Variants in TNRC18 observed in about 807,000 individuals in gnomAD.
The protein encoded by TNRC18 is trinucleotide repeat containing 18.
A neutral mutation model predicts 226.7 loss-of-function variants in TNRC18; 69 were observed. That is an observed-to-expected ratio of 0.30 (90% CI 0.25 to 0.37). TNRC18 has a LOEUF of 0.37. TNRC18 is among the 10% of genes least tolerant of loss of function. The pLI, the probability that TNRC18 is intolerant of heterozygous loss-of-function variation, is 1.00. For missense variants in TNRC18, 4,754 were observed against 4,256.6 expected (o/e 1.12, Z -3.25); for synonymous variants, 2,449 against 1,927.6 (o/e 1.27, Z -7.09).
chr7:5,364,639 A>C (rs1438069106), intron 11 of TNRC18, among the ~76,000 whole-genome samples: 1 of 151,710 alleles, frequency 6.6e-6, no homozygotes, highest in Non-Finnish European at 1.5e-5. Context: ...CCCCCTCTCT[A>C]CTAAAAATAC....
At chr7:5,395,888 A>G (rs1198377246) in intron 2 of TNRC18, among the ~76,000 whole-genome samples, 1 of 150,682 alleles carries the variant, frequency 6.6e-6, no homozygotes, top group Non-Finnish European at 1.5e-5. Context: ...TCCCAGCTAC[A>G]CGGGAGGCTG....
chr7:5,319,698 G>A (rs1202593692), intron 24 of TNRC18, among the ~76,000 whole-genome samples: 5 of 152,170 alleles, frequency 3.3e-5, no homozygotes, highest in South Asian at 2.1e-4. Context: ...TAGTAGAGAC[G>A]GGGTTTTACC....
chr7:5,393,861 G>C (rs1358216258), intron 3 of TNRC18, among the ~76,000 whole-genome samples: 1 of 152,132 alleles, frequency 6.6e-6, no homozygotes, highest in African/African-American at 2.4e-5. Flanking sequence ...AACAGCCCCA[G>C]GTCCCCCCGC....
intron 5 of TNRC18, among the ~76,000 whole-genome samples, chr7:5,384,018 G>A (rs937827789): frequency 1.4e-5 from 2 of 141,796 alleles, no homozygotes; most frequent in Non-Finnish European, 3.0e-5. Context: ...AGGCTGGAGT[G>A]CAATGGCACG....
intron 5 of TNRC18, among the ~76,000 whole-genome samples, chr7:5,379,898 G>A (rs911526519): frequency 6.6e-6 from 1 of 152,168 alleles, no homozygotes; most frequent in African/African-American, 2.4e-5. Flanking sequence ...CCTACGCAGC[G>A]CTACTGTGGG....
chr7:5,330,636 T>C (rs1340779542), intron 19 of TNRC18, among the ~76,000 whole-genome samples: 4 of 152,096 alleles, frequency 2.6e-5, no homozygotes, highest in Non-Finnish European at 5.9e-5. Context: ...GTGAAGGGGT[T>C]AGAACATGTC....
chr7:5,401,693 G>A (rs1401941959), intron 2 of TNRC18, among the ~76,000 whole-genome samples: 1 of 152,178 alleles, frequency 6.6e-6, no homozygotes, highest in Non-Finnish European at 1.5e-5. Flanking sequence ...ACAAGACGTG[G>A]GCCACATTTG....
chr7:5,350,888 GAC>G (rs757627078), intron 17 of TNRC18, among the ~76,000 whole-genome samples: 5 of 152,322 alleles, frequency 3.3e-5, no homozygotes, highest in Admixed American at 1.3e-4. Context: ...CGTATTGAAT[GAC>G]AGAGACCAGG....
At chr7:5,365,228 C>T (rs1793496811) in intron 11 of TNRC18, among the ~76,000 whole-genome samples, 1 of 152,200 alleles carries the variant, frequency 6.6e-6, no homozygotes, top group African/African-American at 2.4e-5. Context: ...CACCCTGCCT[C>T]AGCCTCCTGA....
chr7:5,389,471 T>TTTTTTTTTTTTTTTTTTTTC lies in TNRC18; in HGVS notation c.488-136_488-135insGAAAAAAAAAAAAAAAAAAA, dbSNP rs549108764. 4.0e-5 allele frequency: 37 copies of TTTTTTTTTTTTTTTTTTTTC among 927,070 alleles called. 1 individual carries two copies. The highest frequency in any genetic ancestry group is 3.5e-4 in the African/African-American group (18 of 51,830). The allele number at this position is 927,070 out of a possible 1,614,324, so 57.4% of individuals were successfully genotyped here. ...AGTGTTTTGGTTTTGGTTTTTTTTT[T>TTTTTTTTTTTTTTTTTTTTC]CAGAAAGAGTCTCGCTCTCCTCACC... On this transcript the variant is annotated intron_variant, in intron 4 of 29. Transcript: ENST00000430969.
chr7:5,338,871 G>T (rs1790386482), intron 18 of TNRC18, among the ~76,000 whole-genome samples: 1 of 139,100 alleles, frequency 7.2e-6, no homozygotes. Flanking sequence ...GGTGAGCCGA[G>T]ATCATGCCGT....
rs1460852801 is a variant in TNRC18 at position 5,315,069 on chromosome 7, G to A, written c.6942C>T (p.Gly2314=). 8.7e-6 allele frequency: 14 copies of A among 1,612,102 alleles called. No homozygotes were observed. Among genetic ancestry groups the A allele is most frequent in the Non-Finnish European group, 1.2e-5 (14 of 1,179,392 alleles). The change falls in exon 26 of 30, where the codon GGC becomes GGT. Residue 2314 remains glycine, a synonymous_variant. Coordinates refer to ENST00000430969, the MANE Select transcript of TNRC18 (RefSeq NM_001080495.3). ...SRKTSKDTGE[G]KDGGTAGSEE... is the part of the protein sequence containing the mutation. The stretch of plus-strand genomic sequence containing the variant: ...CCGACCCAGCCGTGCCACCATCTTT[G>A]CCCTCCCCAGTGTCTTTGCTGGTCT...
intron 11 of TNRC18, among the ~76,000 whole-genome samples, chr7:5,369,298 G>A (rs1793933076): frequency 6.6e-6 from 1 of 152,120 alleles, no homozygotes; most frequent in South Asian, 2.1e-4. Context: ...GCAGTGAGCC[G>A]AGATGACACC....
At chr7:5,401,647 G>T (rs1020109347) in intron 2 of TNRC18, among the ~76,000 whole-genome samples, 2 of 152,226 alleles carry the variant, frequency 1.3e-5, no homozygotes, top group Non-Finnish European at 2.9e-5. Flanking sequence ...AAACGATTGG[G>T]CGTTGCTCTG....
intron 18 of TNRC18, among the ~76,000 whole-genome samples, chr7:5,337,406 C>G (rs1334552250): frequency 6.6e-6 from 1 of 151,922 alleles, no homozygotes; most frequent in East Asian, 1.9e-4. Context: ...ATCACTTGAA[C>G]CCAGAAGGCG....
chr7:5,395,744 C>CA (rs1780633774), intron 2 of TNRC18, among the ~76,000 whole-genome samples: 1 of 152,244 alleles, frequency 6.6e-6, no homozygotes, highest in Admixed American at 6.5e-5. Flanking sequence ...ATAATCCCAG[C>CA]ACTCTGGGAG....
intron 11 of TNRC18, among the ~76,000 whole-genome samples, chr7:5,367,670 T>C (rs1370423965): frequency 6.6e-6 from 1 of 151,504 alleles, no homozygotes; most frequent in African/African-American, 2.4e-5. Flanking sequence ...TCAGATGATC[T>C]GCCCGCCTCG....
rs373893696 is a variant in TNRC18 at position 5,309,857 on chromosome 7, C to A, written c.8389-489G>T. ...CCTCAAACCACCCTCCCACCTTTGC[C>A]TCCCAAAGCACTAGGATCGCAGTGT... On this transcript the variant is annotated intron_variant, in intron 27 of 29. Coordinates refer to ENST00000430969, the MANE Select transcript of TNRC18 (RefSeq NM_001080495.3). This position sits in a 1 kb window ranked among gnomAD's most constrained non-coding sequence, Gnocchi z 5.7. Among the ~76,000 whole-genome samples, 26 of 152,300 alleles carry A rather than the reference C, an allele frequency of 1.7e-4. No homozygotes were observed. The East Asian group carries it at 5.0e-3, about 29-fold the overall frequency.
rs1027934503 is a variant in TNRC18 at position 5,376,827 on chromosome 7, C to A, written c.2608+20G>T. Reference sequence around the variant, plus strand: ...CATGGCCAGTCTGGCCCATGGTGGCCACATAGAAGGTCCACTTACCAAAGT... The same window carrying A: ...CATGGCCAGTCTGGCCCATGGTGGCAACATAGAAGGTCCACTTACCAAAGT... On this transcript the variant is annotated intron_variant, in intron 8 of 29. Transcript: ENST00000430969. 1.0e-5 allele frequency: 16 copies of A among 1,606,312 alleles called. No individual in the cohort carries two copies. The highest frequency in any genetic ancestry group is 3.3e-4 in the Middle Eastern group (2 of 6,074).
Sources: allele counts gnomAD v4.1 joint callset (sites outside exome capture counted in the v4.1 genomes callset), GRCh38; gene constraint gnomAD v4.1.1; non-coding constraint Gnocchi (gnomAD v3.1); transcripts MANE v1.5; gene names NCBI Gene and HGNC (gene_info 2026-07-23, HGNC 2026-07-21).